Variants in TLE6 observed in about 807,000 individuals in gnomAD.
TLE6 encodes the protein transducin-like enhancer protein 6.
In TLE6, 72 loss-of-function variants were observed where a neutral mutation model predicts 77.1. The observed-to-expected ratio is 0.93, with a 90% CI of 0.77 to 1.14. The LOEUF (loss-of-function observed/expected upper bound fraction) is 1.14. Among genes scored for constraint, TLE6 ranks in the 50% most tolerant of loss-of-function variants. The probability of loss-of-function intolerance (pLI) is 0.00; values close to 1 mark genes in which losing one functional copy is unlikely to be tolerated. For synonymous variants in TLE6, 366 were observed against 287.3 expected (o/e 1.27, Z -2.77); for missense variants, 843 against 747.6 (o/e 1.13, Z -1.49).
intron 13 of TLE6, among the ~76,000 whole-genome samples, chr19:2,990,644 T>TAC (rs1183097981): frequency 7.1e-6 from 1 of 141,116 alleles, no homozygotes; most frequent in East Asian, 2.0e-4. Flanking sequence ...TAAATAAATA[T>TAC]ATATATAAAT....
rs1555687646 is a variant in TLE6 at position 2,995,061 on chromosome 19, C to CT, written c.*57_*58insT. On this transcript the variant is annotated 3_prime_UTR_variant, in exon 17 of 17. Coordinates refer to ENST00000246112, the MANE Select transcript of TLE6 (RefSeq NM_001143986.2). ...CCTCTTTTCATCCCCCCCCTTCCCC[C>CT]CCCCCAACAAGGGGGACATGGTGGA... 9.7e-7 allele frequency: 1 copy of CT among 1,030,762 alleles called. No individual in the cohort carries two copies. The highest frequency in any genetic ancestry group is 1.5e-6 in the Non-Finnish European group (1 of 688,212). 63.9% of individuals were successfully genotyped at this position (1,030,762 alleles called of 1,614,324 possible). A position where few individuals can be genotyped will look rare whatever the true frequency, so the allele number is the denominator to read the frequency against.
chr19:2,984,843 C>T (rs886204684), intron 5 of TLE6, among the ~76,000 whole-genome samples: 3 of 152,136 alleles, frequency 2.0e-5, no homozygotes, highest in Non-Finnish European at 4.4e-5. Flanking sequence ...TCCAATTCTA[C>T]TTGTACTGGA....
chr19:2,979,278 C>G (rs960179739), intron 2 of TLE6, among the ~76,000 whole-genome samples: 5 of 150,542 alleles, frequency 3.3e-5, no homozygotes, highest in Admixed American at 2.7e-4. Flanking sequence ...TTGAGTCTTG[C>G]TCTTGTTGCC....
intron 2 of TLE6, 130 bp downstream of exon 2, chr19:2,978,414 C>A: frequency 2.3e-6 from 2 of 880,412 alleles, no homozygotes; most frequent in Non-Finnish European, 1.8e-6. Flanking sequence ...CTGGTCGCTG[C>A]TACACTCAAG....
chr19:2,987,257 GA>G lies in TLE6; in HGVS notation c.541+20del. The G allele has an allele frequency of 6.2e-7, 1 of 1,614,164 alleles. No homozygotes were observed. Among genetic ancestry groups the G allele is most frequent in the Non-Finnish European group, 8.5e-7 (1 of 1,180,002 alleles). ...GACAGACGTGAGTGTCCCTGAGGGT[GA>G]GGGGGAAGGGGCAGCCACAGGCTGC... On this transcript the variant is annotated intron_variant, in intron 7 of 16. Transcript: ENST00000246112.
At chr19:2,987,697 G>A (rs760803683) in intron 8 of TLE6, 27 bp from the exon 9 acceptor site, 3 of 1,613,566 alleles carry the variant, frequency 1.9e-6, no homozygotes, top group Admixed American at 1.7e-5. Context: ...AGGTCAGCAG[G>A]CCTGATGAGA....
Position 2,989,087 on chromosome 19 carries a change from A to C in TLE6, c.767A>C (p.Asp256Ala), listed in dbSNP as rs774891628. The change falls in exon 12 of 17, where the codon GAT becomes GCT. Residue 256 changes from aspartate to alanine, a missense_variant. Transcript: ENST00000246112. ...TCCTGGGACCCTGAGGACTTTGAAG[A>C]TGCATGGAAGAGGCCAGATGCCTTG... ...SISWDPEDFE[D>A]AWKRPDALPG... 1.2e-6 allele frequency: 2 copies of C among 1,614,078 alleles called. No individual in the cohort carries two copies. Among genetic ancestry groups the C allele is most frequent in the East Asian group, 4.5e-5 (2 of 44,880 alleles).
At chr19:2,982,882 C>T (rs187244026) in intron 5 of TLE6, among the ~76,000 whole-genome samples, 47 of 152,254 alleles carry the variant, frequency 3.1e-4, no homozygotes, top group Non-Finnish European at 6.2e-4. Flanking sequence ...GGCAGGCACC[C>T]GGCTGTGTTC....
chr19:2,991,719 T>G (rs901861313), intron 13 of TLE6, 124 bp from the exon 14 acceptor site: 2 of 897,322 alleles, frequency 2.2e-6, no homozygotes, highest in African/African-American at 1.7e-5. Flanking sequence ...TGACACTCTG[T>G]GCAGGCAGAG....
chr19:2,993,394 C>T, intron 14 of TLE6, 38 bp from the exon 15 acceptor site: 1 of 1,570,522 alleles, frequency 6.4e-7, no homozygotes, highest in Non-Finnish European at 8.7e-7. Context: ...AGGCTGGGAC[C>T]TAACCAGGTT....
Position 2,991,980 on chromosome 19 carries a change from C to A in TLE6, c.1382C>A (p.Ser461Tyr), listed in dbSNP as rs750014486. Residue 461 changes from serine to tyrosine, a missense_variant, in exon 14 of 17, where the codon TCT becomes TAT. Physicochemically the swap from Ser to Tyr is moderately radical, Grantham distance 144 (BLOSUM62 -2). Transcript: ENST00000246112. ...IMKPLEYQFK[S>Y]QIMSLSHSPQ... Reference sequence around the variant, plus strand: ...AAACCTCTGGAGTACCAATTCAAGTCTCAGGTGCGGAGGCCGGGATGGGGT... The same window carrying A: ...AAACCTCTGGAGTACCAATTCAAGTATCAGGTGCGGAGGCCGGGATGGGGT... 5 of 1,613,552 alleles carry A rather than the reference C, an allele frequency of 3.1e-6. No individual in the cohort carries two copies. In the South Asian group the frequency reaches 4.4e-5, roughly 14 times the overall value.
Position 2,987,351 on chromosome 19 carries a change from G to A in TLE6, c.542-5G>A, listed in dbSNP as rs1475493026. The A allele has an allele frequency of 6.2e-7, 1 of 1,614,106 alleles. No homozygotes were observed. The stretch of plus-strand genomic sequence containing the variant: ...CCCTCCTCCTCTCCGTTGTCATGGT[G>A]ACAGAGCAGGCACCAGGCCTGGTGA... On this transcript the variant is annotated splice_polypyrimidine_tract_variant and splice_region_variant and intron_variant, in intron 7 of 16. Coordinates refer to ENST00000246112, the MANE Select transcript of TLE6 (RefSeq NM_001143986.2).
chr19:2,987,314 TTCTC>T (rs773907629), intron 7 of TLE6, 38 bp from the exon 8 acceptor site: 3 of 1,614,168 alleles, frequency 1.9e-6, no homozygotes, highest in South Asian at 1.1e-5. Context: ...AACCCTGCTG[TTCTC>T]TCTGTCCCCC....
In TLE6 at chr19:2,982,137, T is replaced by A. The variant is rs1284835876; in HGVS notation, c.181-11T>A. 5 of 1,551,374 alleles carry A rather than the reference T, an allele frequency of 3.2e-6. No individual in the cohort carries two copies. The highest frequency in any genetic ancestry group is 3.5e-6 in the Non-Finnish European group (4 of 1,146,968). ...CCACCTCCCGATGGGATCTCTGTTT[T>A]CCCTTTGCAGCTGCACAAGATCCAG... On this transcript the variant is annotated splice_polypyrimidine_tract_variant and intron_variant, in intron 4 of 16. Coordinates refer to ENST00000246112, the MANE Select transcript of TLE6 (RefSeq NM_001143986.2).
chr19:2,992,262 C>T (rs553384988), intron 14 of TLE6, among the ~76,000 whole-genome samples: 1 of 152,218 alleles, frequency 6.6e-6, no homozygotes, highest in African/African-American at 2.4e-5. Flanking sequence ...CACCTGAGGT[C>T]GGGAGTTCAA....
At chr19:2,987,301 G>C in intron 7 of TLE6, 55 bp from the exon 8 acceptor site, 1 of 1,614,204 alleles carries the variant, frequency 6.2e-7, no homozygotes, top group Non-Finnish European at 8.5e-7. Flanking sequence ...GGGCTGTGCA[G>C]TGAACCCTGC....
At position 2,993,553 on chromosome 19, in the gene TLE6, T is replaced by C; in HGVS notation, c.1508T>C (p.Val503Ala). 1 of 1,582,440 alleles carries C rather than the reference T, an allele frequency of 6.3e-7. No homozygotes were observed. Among genetic ancestry groups the C allele is most frequent in the Non-Finnish European group, 8.6e-7 (1 of 1,157,162 alleles). The change falls in exon 15 of 17, where the codon GTC (valine) becomes GCC (alanine). Residue 503 changes from valine (V) to alanine (A), a missense_variant. Val to Ala is a moderately conservative substitution (Grantham distance 64, BLOSUM62 0). Coordinates refer to ENST00000246112, the MANE Select transcript of TLE6 (RefSeq NM_001143986.2). ...QRHMVGQKDS[V>A]ILSVKFSPFG... ...CACATGGTGGGGCAAAAAGACAGCG[T>C]CATCCTGAGCGTCAAGTTCTCCCCC...
chr19:2,991,772 T>A, intron 13 of TLE6, 71 bp from the exon 14 acceptor site: 1 of 1,488,428 alleles, frequency 6.7e-7, no homozygotes, highest in South Asian at 1.2e-5. Flanking sequence ...CCAAATGTAG[T>A]GACTGGTGTT....
chr19:2,992,069 C>G, intron 14 of TLE6, 85 bp downstream of exon 14: 1 of 1,531,314 alleles, frequency 6.5e-7, no homozygotes, highest in Non-Finnish European at 8.9e-7. Context: ...GGCTCCGTGG[C>G]TCACGCCTAT....
Sources: allele counts gnomAD v4.1 joint callset (sites outside exome capture counted in the v4.1 genomes callset), GRCh38; gene constraint gnomAD v4.1.1; transcripts MANE v1.5; gene names NCBI Gene and HGNC (gene_info 2026-07-23, HGNC 2026-07-21).